ARHGAP6: variants seen among roughly 807,000 people sequenced by gnomAD.
ARHGAP6 encodes the protein Rho GTPase activating protein 6, also known as rho GTPase-activating protein 6.
In ARHGAP6, 16 loss-of-function variants were observed where a neutral mutation model predicts 55.7. The observed-to-expected ratio is 0.29, with a 90% confidence interval of 0.19 to 0.44. The LOEUF (loss-of-function observed/expected upper bound fraction) is 0.44. ARHGAP6 is among the 20% of genes least tolerant of loss of function. ARHGAP6 has a pLI of 1.00. For synonymous variants in ARHGAP6, 382 were observed against 360.9 expected, an observed-to-expected ratio of 1.06 and a Z score of -0.66; for missense variants, 698 against 808.9, an observed-to-expected ratio of 0.86 and a Z score of 1.66.
intron 1 of ARHGAP6, among the ~76,000 whole-genome samples, chrX:11,280,183 A>C (rs938734942): frequency 9.8e-5 from 11 of 111,856 alleles, no homozygotes; most frequent in African/African-American, 3.6e-4. Context: ...ATGTCAGCTC[A>C]TTCTGAATGG....
chrX:11,383,161 T>C (rs2049282608), intron 1 of ARHGAP6, among the ~76,000 whole-genome samples: 1 of 111,784 alleles, frequency 8.9e-6, no homozygotes, highest in African/African-American at 3.3e-5. Context: ...TTTTTTGCTA[T>C]CTTTAGATCG....
intron 1 of ARHGAP6, among the ~76,000 whole-genome samples, chrX:11,339,523 C>T (rs1248636963): frequency 1.8e-5 from 2 of 111,003 alleles, no homozygotes; most frequent in Admixed American, 9.6e-5. Context: ...CATCATACCT[C>T]CATTTCCTCA....
At chrX:11,596,775 C>T (rs1193937891) in intron 1 of ARHGAP6, among the ~76,000 whole-genome samples, 1 of 111,315 alleles carries the variant, frequency 9.0e-6, no homozygotes, top group East Asian at 2.8e-4. Context: ...ATCTTTGATA[C>T]TCAAAGGTTT....
chrX:11,323,323 T>A (rs965939193), intron 1 of ARHGAP6, among the ~76,000 whole-genome samples: 2 of 112,278 alleles, frequency 1.8e-5, no homozygotes, highest in Non-Finnish European at 3.8e-5. Context: ...CCAAAATAAA[T>A]TCTTACTAAC....
At chrX:11,475,592 C>A (rs866474969) in intron 1 of ARHGAP6, among the ~76,000 whole-genome samples, 1 of 97,880 alleles carries the variant, frequency 1.0e-5, no homozygotes, top group Non-Finnish European at 2.2e-5. Flanking sequence ...CACACACACA[C>A]ACACAAACAC....
intron 1 of ARHGAP6, among the ~76,000 whole-genome samples, chrX:11,279,033 G>A (rs1457041664): frequency 9.0e-6 from 1 of 111,173 alleles, no homozygotes; most frequent in Non-Finnish European, 1.9e-5. Context: ...CTGGAGTCCC[G>A]TCCAGGATGC....
chrX:11,582,881 A>T, intron 1 of ARHGAP6, among the ~76,000 whole-genome samples: 1 of 111,675 alleles, frequency 9.0e-6, no homozygotes, highest in Non-Finnish European at 1.9e-5. Context: ...CACATATGCA[A>T]TATTTATTTG....
At chrX:11,184,120 C>T (rs771517703) in intron 5 of ARHGAP6, among the ~76,000 whole-genome samples, 5 of 112,253 alleles carry the variant, frequency 4.5e-5, no homozygotes, top group East Asian at 2.8e-4. Context: ...ATCTAGATCA[C>T]GCTCCCAGTA....
chrX:11,451,820 T>A (rs2050146314), intron 1 of ARHGAP6, among the ~76,000 whole-genome samples: 1 of 112,406 alleles, frequency 8.9e-6, no homozygotes, highest in Non-Finnish European at 1.9e-5. Flanking sequence ...AGAGATGATG[T>A]CTTCCCTGGC....
chrX:11,321,040 G>T (rs1181255257), intron 1 of ARHGAP6, among the ~76,000 whole-genome samples: 2 of 111,321 alleles, frequency 1.8e-5, no homozygotes, highest in Non-Finnish European at 3.8e-5. Context: ...GATATAGTCA[G>T]CCAACATTGA....
At chrX:11,329,635 A>C (rs1299945220) in intron 1 of ARHGAP6, among the ~76,000 whole-genome samples, 2 of 112,339 alleles carry the variant, frequency 1.8e-5, no homozygotes, top group African/African-American at 3.2e-5. Context: ...AACATCATAG[A>C]GTGTATTTAT....
chrX:11,305,990 AAGGCACTTCTGAAGTG>A (rs984127602), intron 1 of ARHGAP6, among the ~76,000 whole-genome samples: 4 of 111,669 alleles, frequency 3.6e-5, no homozygotes, highest in African/African-American at 1.3e-4. Flanking sequence ...TAACCAACTC[AAGGCACTTCTGAAGTG>A]AGGATCTCCC....
intron 1 of ARHGAP6, among the ~76,000 whole-genome samples, chrX:11,483,398 A>C (rs1208963195): frequency 8.9e-6 from 1 of 112,002 alleles, no homozygotes; most frequent in African/African-American, 3.2e-5. Flanking sequence ...AGAGAAGTCC[A>C]CTGGGGGTTT....
At chrX:11,194,449 T>G (rs2046503703) in intron 3 of ARHGAP6, among the ~76,000 whole-genome samples, 1 of 112,085 alleles carries the variant, frequency 8.9e-6, no homozygotes, top group Non-Finnish European at 1.9e-5. Context: ...TCAGACTCCC[T>G]GGGGTGTGGG....
rs961579114 is a variant in ARHGAP6 at position 11,356,339 on chromosome X, T to C, written c.589-101632A>G. Reference sequence around the variant, plus strand: ...TGGGGCTTAAAACCTAGATGACAGGTTGGTAGATGCAGCAAACCACCATGG... The same window carrying C: ...TGGGGCTTAAAACCTAGATGACAGGCTGGTAGATGCAGCAAACCACCATGG... On this transcript the variant is annotated intron_variant, in intron 1 of 12. Transcript: ENST00000337414. Among the ~76,000 whole-genome samples the C allele has an allele frequency of 1.5e-4, 17 of 110,828 alleles. No individual in the cohort carries two copies. In the Admixed American group the frequency reaches 1.5e-3, roughly 10 times the overall value.
rs761461918 is a variant in ARHGAP6, at chrX:11,139,216, C to T, written c.2572G>A (p.Gly858Arg). ...TGAGGTGTGGCCCGGCTCTGCAGCC[C>T]GGCCACATCCAGCTCACTCTCGCTG... ...DLSESELDVAGLQSRATPQCQ... is the reference protein window; with the variant it reads ...DLSESELDVARLQSRATPQCQ... Residue 858 changes from glycine to arginine, a missense_variant, in exon 13 of 13, where the codon GGG becomes AGG. Gly to Arg is a moderately radical substitution (Grantham distance 125). Transcript: ENST00000337414. The T allele has an allele frequency of 1.5e-5, 18 of 1,200,575 alleles. No homozygotes were observed. The African/African-American group carries it at 1.6e-4, about 10-fold the overall frequency.
intron 1 of ARHGAP6, among the ~76,000 whole-genome samples, chrX:11,571,623 C>A (rs984479650): frequency 9.2e-6 from 1 of 108,226 alleles, no homozygotes; most frequent in African/African-American, 3.4e-5. Context: ...AAACTTGTAA[C>A]CTCAGCATTT....
At chrX:11,663,177 TAACA>T (rs757107008) in intron 1 of ARHGAP6, among the ~76,000 whole-genome samples, 2 of 112,701 alleles carry the variant, frequency 1.8e-5, no homozygotes, top group East Asian at 5.5e-4. Flanking sequence ...AGCCAAAGTC[TAACA>T]GTTATCTCAC....
At chrX:11,329,766 A>G (rs1011352970) in intron 1 of ARHGAP6, among the ~76,000 whole-genome samples, 2 of 112,424 alleles carry the variant, frequency 1.8e-5, no homozygotes, top group African/African-American at 6.5e-5. Flanking sequence ...GCATGTACTT[A>G]CACAAACCTA....
Sources: gnomAD v4.1 joint callset for allele counts (sites outside exome capture counted in the v4.1 genomes callset) on GRCh38, gnomAD v4.1.1 for gene constraint, MANE v1.5 for transcripts, NCBI Gene and HGNC (gene_info 2026-07-23, HGNC 2026-07-21) for gene names.